The following ST6GALNAC3 variants were observed in gnomAD, a reference collection of about 807,000 sequenced individuals.
The protein encoded by ST6GALNAC3 is ST6 N-acetylgalactosaminide alpha-2,6-sialyltransferase 3.
A neutral mutation model predicts 32.7 loss-of-function variants in ST6GALNAC3; 25 were observed. That is an observed-to-expected ratio of 0.76 (90% CI 0.56 to 1.07). The LOEUF (loss-of-function observed/expected upper bound fraction) is 1.07, where lower values mean the gene tolerates loss of function less well. Among genes scored for constraint, ST6GALNAC3 ranks in the 50% least tolerant of loss-of-function variants. The pLI, the probability that ST6GALNAC3 is intolerant of heterozygous loss-of-function variation, is 0.00. For missense variants in ST6GALNAC3, 355 were observed against 382.4 expected, an observed-to-expected ratio of 0.93 and a Z score of 0.60; for synonymous variants, 129 against 133.1, an observed-to-expected ratio of 0.97 and a Z score of 0.21.
chr1:76,083,169 A>C (rs368024216), intron 1 of ST6GALNAC3, among the ~76,000 whole-genome samples: 2 of 152,242 alleles, frequency 1.3e-5, no homozygotes, highest in African/African-American at 4.8e-5. Flanking sequence ...TAAAATGTGT[A>C]TATTCTGGGT....
intron 3 of ST6GALNAC3, among the ~76,000 whole-genome samples, chr1:76,547,621 G>C (rs958307781): frequency 6.6e-6 from 1 of 152,126 alleles, no homozygotes; most frequent in Non-Finnish European, 1.5e-5. Context: ...TTGGGAGGCG[G>C]AGGGGAGTGG....
At chr1:76,411,730 A>G (rs1654249806) in intron 2 of ST6GALNAC3, among the ~76,000 whole-genome samples, 1 of 152,160 alleles carries the variant, frequency 6.6e-6, no homozygotes, top group South Asian at 2.1e-4. Context: ...TTTAGAGTGG[A>G]AAACAAATAA....
intron 1 of ST6GALNAC3, among the ~76,000 whole-genome samples, chr1:76,267,485 AT>A (rs1235153291): frequency 4.6e-5 from 7 of 152,078 alleles, no homozygotes; most frequent in South Asian, 2.1e-4. Flanking sequence ...CTCTCACTGC[AT>A]TTTTTTACCA....
rs563585235 is a variant in ST6GALNAC3, at chr1:76,220,347, T to C, written c.19-93458T>C. 3.3e-5 allele frequency among the ~76,000 whole-genome samples: 5 copies of C among 152,374 alleles called. No individual in the cohort carries two copies. In the East Asian group the frequency reaches 9.6e-4, roughly 29 times the overall value. On this transcript the variant is annotated intron_variant, in intron 1 of 4. Transcript: ENST00000328299. ...GTGTATTATATAAGTAAATCCTCTT[T>C]GCTTACAGTTCTTTTTTAAAACAAG...
At chr1:76,552,636 C>G (rs1664703267) in intron 3 of ST6GALNAC3, among the ~76,000 whole-genome samples, 1 of 152,200 alleles carries the variant, frequency 6.6e-6, no homozygotes, top group South Asian at 2.1e-4. Context: ...TGTTTATGGT[C>G]TGCAGATTCC....
intron 3 of ST6GALNAC3, among the ~76,000 whole-genome samples, chr1:76,414,822 A>G (rs1340476592): frequency 6.6e-6 from 1 of 152,072 alleles, no homozygotes; most frequent in East Asian, 1.9e-4. Context: ...ATACAATACC[A>G]TTGCCCTACA....
At position 76,311,245 on chromosome 1, in the gene ST6GALNAC3, A is replaced by G. The variant is rs55942540; in HGVS notation, c.19-2560A>G. Reference sequence around the variant, plus strand: ...GCATCTTAAACACTGATGTTTGATTATAACTCATAACTTCCCCCCACCCCG... The same window carrying G: ...GCATCTTAAACACTGATGTTTGATTGTAACTCATAACTTCCCCCCACCCCG... On this transcript the variant is annotated intron_variant, in intron 1 of 4. Transcript: ENST00000328299. 8.0e-3 allele frequency among the ~76,000 whole-genome samples: 1,218 copies of G among 151,428 alleles called. 3 individuals carry two copies. Among genetic ancestry groups the G allele is most frequent in the Non-Finnish European group, 0.012 (848 of 67,928 alleles).
At chr1:76,553,175 T>C (rs1309100457) in intron 3 of ST6GALNAC3, among the ~76,000 whole-genome samples, 2 of 152,242 alleles carry the variant, frequency 1.3e-5, no homozygotes, top group African/African-American at 4.8e-5. Context: ...TTTGATTTGA[T>C]TTTACATAAG....
intron 1 of ST6GALNAC3, among the ~76,000 whole-genome samples, chr1:76,190,598 C>A (rs1653836025): frequency 6.6e-6 from 1 of 152,148 alleles, no homozygotes; most frequent in Non-Finnish European, 1.5e-5. Context: ...ACATGGGCTT[C>A]AAGAATTTAA....
chr1:76,514,874 C>G (rs1485195808), intron 3 of ST6GALNAC3, among the ~76,000 whole-genome samples: 1 of 152,108 alleles, frequency 6.6e-6, no homozygotes, highest in Non-Finnish European at 1.5e-5. Flanking sequence ...TCCACTTGAA[C>G]ACAGTAATTG....
At chr1:76,484,125 C>G (rs995655588) in intron 3 of ST6GALNAC3, among the ~76,000 whole-genome samples, 3 of 151,984 alleles carry the variant, frequency 2.0e-5, no homozygotes, top group Admixed American at 6.5e-5. Flanking sequence ...GTTACTGTAG[C>G]CTTGTAGCAG....
chr1:76,395,641 TA>T (rs1652899448), intron 2 of ST6GALNAC3, among the ~76,000 whole-genome samples: 1 of 151,968 alleles, frequency 6.6e-6, no homozygotes, highest in Non-Finnish European at 1.5e-5. Context: ...TATTCAGCCT[TA>T]AAAAAGAATC....
At chr1:76,189,207 C>A (rs1208644318) in intron 1 of ST6GALNAC3, among the ~76,000 whole-genome samples, 1 of 152,156 alleles carries the variant, frequency 6.6e-6, no homozygotes, top group African/African-American at 2.4e-5. Context: ...GGCAAGGGTG[C>A]CTATCTGCTG....
chr1:76,259,994 T>A (rs1394791720), intron 1 of ST6GALNAC3, among the ~76,000 whole-genome samples: 1 of 152,024 alleles, frequency 6.6e-6, no homozygotes, highest in Non-Finnish European at 1.5e-5. Flanking sequence ...TTTCTTCTTC[T>A]TCTTTTTCTT....
chr1:76,321,676 A>C (rs2100924191), intron 2 of ST6GALNAC3, among the ~76,000 whole-genome samples: 1 of 152,296 alleles, frequency 6.6e-6, no homozygotes, highest in African/African-American at 2.4e-5. Context: ...AGGTGTCTGC[A>C]AGGGGTGAAC....
chr1:76,567,642 G>C (rs185123445), intron 3 of ST6GALNAC3, among the ~76,000 whole-genome samples: 1 of 152,266 alleles, frequency 6.6e-6, no homozygotes, highest in Non-Finnish European at 1.5e-5. Context: ...GTATTTCAGA[G>C]ATATCCTTTG....
intron 3 of ST6GALNAC3, among the ~76,000 whole-genome samples, chr1:76,423,198 C>T (rs1655150639): frequency 6.6e-6 from 1 of 151,902 alleles, no homozygotes; most frequent in Admixed American, 6.6e-5. Flanking sequence ...GCATTACCTC[C>T]AATAATATGT....
rs1340626170 is a variant in ST6GALNAC3 at position 76,629,143 on chromosome 1, CAGTG to C, written c.*341_*344del. 2.9e-6 allele frequency: 3 copies of C among 1,036,854 alleles called. No homozygotes were observed. The African/African-American group carries it at 5.2e-5, about 18-fold the overall frequency. The allele number at this position is 1,036,854 out of a possible 1,614,324, so 64.2% of individuals were successfully genotyped here. A position where few individuals can be genotyped will look rare whatever the true frequency, so the allele number is the denominator to read the frequency against. The stretch of plus-strand genomic sequence containing the variant: ...AAGATAGCTGCCTAGAATTGTTCAA[CAGTG>C]AGTAACTTCCAGAAGCCAAAAGAGT... On this transcript the variant is annotated 3_prime_UTR_variant, in exon 5 of 5. Transcript: ENST00000328299.
At chr1:76,513,111 T>TGCTG (rs1268651348) in intron 3 of ST6GALNAC3, among the ~76,000 whole-genome samples, 1 of 152,200 alleles carries the variant, frequency 6.6e-6, no homozygotes, top group Non-Finnish European at 1.5e-5. Context: ...TTGTTTTTCT[T>TGCTG]GCTGTGCAAA....
Sources: allele counts gnomAD v4.1 joint callset (sites outside exome capture counted in the v4.1 genomes callset), GRCh38; gene constraint gnomAD v4.1.1; transcripts MANE v1.5; gene names NCBI Gene and HGNC (gene_info 2026-07-23, HGNC 2026-07-21).